Variants in MNAT1 observed in about 807,000 individuals in gnomAD.
MNAT1 encodes MNAT1 component of CDK activating kinase, also known as CDK-activating kinase assembly factor MAT1.
A neutral mutation model predicts 42.0 loss-of-function variants in MNAT1; 43 were observed. The ratio of observed to expected loss-of-function variants is 1.02; its 90% CI spans 0.80 to 1.32. The LOEUF (loss-of-function observed/expected upper bound fraction) is 1.32. MNAT1 is among the 40% of genes most tolerant of loss of function. MNAT1 has a pLI of 0.00. For missense variants in MNAT1, 306 were observed against 350.4 expected, an observed-to-expected ratio of 0.87 and a Z score of 1.01; for synonymous variants, 118 against 120.0, an observed-to-expected ratio of 0.98 and a Z score of 0.11.
At chr14:60,816,452 A>G (rs2139360581) in intron 5 of MNAT1, among the ~76,000 whole-genome samples, 1 of 152,206 alleles carries the variant, frequency 6.6e-6, no homozygotes, top group East Asian at 1.9e-4. Flanking sequence ...CAAACGCAGT[A>G]GGTGATTTTT....
At chr14:60,875,305 G>A (rs989168934) in intron 6 of MNAT1, among the ~76,000 whole-genome samples, 1 of 151,996 alleles carries the variant, frequency 6.6e-6, no homozygotes, top group African/African-American at 2.4e-5. Flanking sequence ...AACCCACACT[G>A]GGCAGTAATT....
intron 7 of MNAT1, among the ~76,000 whole-genome samples, chr14:60,890,685 A>G (rs888966609): frequency 2.0e-5 from 3 of 152,232 alleles, no homozygotes; most frequent in African/African-American, 7.2e-5. Flanking sequence ...CTTGGAGTCC[A>G]ATGTTTGAGG....
chr14:60,910,992 C>G (rs1226109388), intron 7 of MNAT1, among the ~76,000 whole-genome samples: 1 of 152,172 alleles, frequency 6.6e-6, no homozygotes, highest in Non-Finnish European at 1.5e-5. Context: ...ATTATTGTCT[C>G]TATTTCTGAG....
chr14:60,844,736 C>T (rs1402324879), intron 6 of MNAT1, among the ~76,000 whole-genome samples: 1 of 151,984 alleles, frequency 6.6e-6, no homozygotes, highest in African/African-American at 2.4e-5. Context: ...AGTCTTTTGA[C>T]ATTATATGTC....
chr14:60,772,778 G>A (rs905522909), intron 1 of MNAT1, among the ~76,000 whole-genome samples: 6 of 152,026 alleles, frequency 3.9e-5, no homozygotes, highest in African/African-American at 1.4e-4. Flanking sequence ...TGATTGTGTT[G>A]TAGTGAAAGA....
At chr14:60,865,088 A>C (rs1273964260) in intron 6 of MNAT1, among the ~76,000 whole-genome samples, 1 of 152,036 alleles carries the variant, frequency 6.6e-6, no homozygotes, top group African/African-American at 2.4e-5. Flanking sequence ...ATACATACCA[A>C]CTACTGTACT....
At chr14:60,903,615 GT>G (rs2035118953) in intron 7 of MNAT1, among the ~76,000 whole-genome samples, 1 of 152,086 alleles carries the variant, frequency 6.6e-6, no homozygotes, top group Non-Finnish European at 1.5e-5. Flanking sequence ...TAGAATATTT[GT>G]ATAATCTGCT....
chr14:60,813,399 G>A (rs1356232065), intron 5 of MNAT1, among the ~76,000 whole-genome samples: 1 of 152,190 alleles, frequency 6.6e-6, no homozygotes, highest in Admixed American at 6.5e-5. Flanking sequence ...TAGTGAAGGG[G>A]CTGACTACAT....
At chr14:60,805,985 A>C (rs186312359) in intron 3 of MNAT1, among the ~76,000 whole-genome samples, 1 of 152,330 alleles carries the variant, frequency 6.6e-6, no homozygotes. Context: ...ACCATTTCAC[A>C]TTCCCACCAG....
chr14:60,822,996 A>G (rs1232173636), intron 6 of MNAT1, among the ~76,000 whole-genome samples: 2 of 152,122 alleles, frequency 1.3e-5, no homozygotes, highest in Non-Finnish European at 2.9e-5. Flanking sequence ...AGCTCAAGCC[A>G]CCTGCCTGCC....
chr14:60,812,265 T>C (rs544854965), intron 5 of MNAT1, 138 bp downstream of exon 5: 4 of 736,514 alleles, frequency 5.4e-6, no homozygotes, highest in African/African-American at 3.6e-5. Context: ...TGGTTATGTA[T>C]TGATATCAGT....
At chr14:60,820,454 T>C (rs1487040403) in intron 6 of MNAT1, among the ~76,000 whole-genome samples, 1 of 151,956 alleles carries the variant, frequency 6.6e-6, no homozygotes, top group Admixed American at 6.6e-5. Flanking sequence ...TCTCTTCCTT[T>C]TATAGTATAT....
In MNAT1 at chr14:60,968,527, T is replaced by G. The variant is rs778954262; in HGVS notation, c.*178T>G. The G allele has an allele frequency of 6.9e-7, 1 of 1,452,970 alleles. No homozygotes were observed. The highest frequency in any genetic ancestry group is 9.2e-7 in the Non-Finnish European group (1 of 1,092,424). 90.0% of individuals were successfully genotyped at this position (1,452,970 alleles called of 1,614,324 possible). On this transcript the variant is annotated 3_prime_UTR_variant, in exon 8 of 8. Coordinates refer to ENST00000261245, the MANE Select transcript of MNAT1 (RefSeq NM_002431.4). ...TTGAGTAATATAGGGGATATATATT[T>G]GTGAAAAATAATTTTTACTTATATT...
intron 6 of MNAT1, among the ~76,000 whole-genome samples, chr14:60,822,328 A>G (rs1197045616): frequency 6.6e-6 from 1 of 152,248 alleles, no homozygotes; most frequent in Non-Finnish European, 1.5e-5. Context: ...TGAACATGAT[A>G]TGAACAAAAT....
At chr14:60,839,033 G>GT (rs1456873622) in intron 6 of MNAT1, among the ~76,000 whole-genome samples, 1 of 152,126 alleles carries the variant, frequency 6.6e-6, no homozygotes, top group Admixed American at 6.5e-5. Context: ...CACAAGCAGA[G>GT]TGGGTACCCT....
At chr14:60,950,709 T>C (rs1010515056) in intron 7 of MNAT1, among the ~76,000 whole-genome samples, 4 of 152,236 alleles carry the variant, frequency 2.6e-5, no homozygotes, top group Admixed American at 2.0e-4. Context: ...TGGACACCCC[T>C]GATGTATAGC....
At chr14:60,845,820 T>C (rs2033668443) in intron 6 of MNAT1, among the ~76,000 whole-genome samples, 1 of 152,108 alleles carries the variant, frequency 6.6e-6, no homozygotes. Flanking sequence ...TAGTGTAAAG[T>C]TTTTGTGCTT....
chr14:60,909,832 TTAAAG>T (rs2035306493), intron 7 of MNAT1, among the ~76,000 whole-genome samples: 1 of 152,028 alleles, frequency 6.6e-6, no homozygotes, highest in African/African-American at 2.4e-5. Context: ...CATATGAACT[TTAAAG>T]TAGTTTTTTC....
At chr14:60,847,126 G>C (rs537653595) in intron 6 of MNAT1, among the ~76,000 whole-genome samples, 54 of 151,890 alleles carry the variant, frequency 3.6e-4, no homozygotes, top group African/African-American at 1.1e-3. Flanking sequence ...TTTATTTGCC[G>C]GGCACGGTGG....
Sources: gnomAD v4.1 joint callset for allele counts (sites outside exome capture counted in the v4.1 genomes callset) on GRCh38, gnomAD v4.1.1 for gene constraint, MANE v1.5 for transcripts, NCBI Gene and HGNC (gene_info 2026-07-23, HGNC 2026-07-21) for gene names.